CCDC144A: variants seen among roughly 807,000 people sequenced by gnomAD.
The protein encoded by CCDC144A is coiled-coil domain-containing protein 144A.
Under a neutral mutation model 143.8 loss-of-function variants are expected in CCDC144A, and 41 were observed. That is an observed-to-expected ratio of 0.29 (90% CI 0.22 to 0.37). CCDC144A has a LOEUF of 0.37. Ranked by LOEUF, CCDC144A falls within the 10% of genes least tolerant of loss-of-function variation. The pLI, the probability that CCDC144A is intolerant of heterozygous loss-of-function variation, is 1.00. For synonymous variants in CCDC144A, 242 were observed against 517.9 expected (o/e 0.47, Z 7.23); for missense variants, 637 against 1,488.8 (o/e 0.43, Z 9.41).
chr17:16,713,959 T>C (rs1597549281), intron 6 of CCDC144A, among the ~76,000 whole-genome samples: 1 of 152,180 alleles, frequency 6.6e-6, no homozygotes, highest in South Asian at 2.1e-4. Context: ...CTTCCAAGAT[T>C]GTTGTTCTCA....
chr17:16,703,575 C>T (rs545655497), intron 2 of CCDC144A, among the ~76,000 whole-genome samples: 5 of 152,274 alleles, frequency 3.3e-5, no homozygotes, highest in African/African-American at 9.6e-5. Flanking sequence ...GAGGCCAAGG[C>T]GGGCGGATTA....
chr17:16,669,593 C>G, the CCDC144A span, among the ~76,000 whole-genome samples: 1 of 152,224 alleles, frequency 6.6e-6, no homozygotes, highest in Admixed American at 6.5e-5. Context: ...ATGCTAACCA[C>G]TACCCACATG....
At chr17:16,766,939 G>A (rs2143395857) in intron 15 of CCDC144A, 1 of 152,140 alleles carries the variant, frequency 6.6e-6, no homozygotes, top group East Asian at 1.9e-4. Flanking sequence ...TAGTTTCCTT[G>A]TGGGGCATTT....
chr17:16,741,706 C>T (rs1406997819), intron 12 of CCDC144A, among the ~76,000 whole-genome samples: 1 of 152,078 alleles, frequency 6.6e-6, no homozygotes, highest in Non-Finnish European at 1.5e-5. Context: ...CCTCTGCCTC[C>T]CAAGTAGCTG....
Position 16,734,987 on chromosome 17 carries a change from C to G in CCDC144A, c.2716C>G (p.Gln906Glu). 1 of 1,608,766 alleles carries G rather than the reference C, an allele frequency of 6.2e-7. No homozygotes were observed. Among genetic ancestry groups the G allele is most frequent in the Non-Finnish European group, 8.5e-7 (1 of 1,178,268 alleles). Residue 906 changes from glutamine (Q) to glutamate (E), a missense_variant, in exon 12 of 17, where the codon CAA becomes GAA. Gln to Glu is a conservative substitution (Grantham distance 29, BLOSUM62 2). Coordinates refer to ENST00000399273, the MANE Select transcript of CCDC144A (RefSeq NM_001382000.1). Reference sequence around the variant, plus strand: ...TGAACTGGAGAATGGGAAACAGAACCAAGAAAGACTAGAAATAGAAATGGA... The same window carrying G: ...TGAACTGGAGAATGGGAAACAGAACGAAGAAAGACTAGAAATAGAAATGGA... ...NSELENGKQN[Q>E]ERLEIEMESY...
At chr17:16,703,648 C>T (rs1479722683) in intron 2 of CCDC144A, among the ~76,000 whole-genome samples, 1 of 151,712 alleles carries the variant, frequency 6.6e-6, no homozygotes, top group Non-Finnish European at 1.5e-5. Flanking sequence ...ACTAAAAATA[C>T]AAAAAATTAG....
chr17:16,697,980 C>T (rs935427435), intron 2 of CCDC144A, among the ~76,000 whole-genome samples: 2 of 152,138 alleles, frequency 1.3e-5, no homozygotes, highest in African/African-American at 2.4e-5. Flanking sequence ...GCAGTCACGA[C>T]TAACAGTTTT....
rs1912225954 is a variant in CCDC144A at position 16,709,058 on chromosome 17, C to T, written c.1001C>T (p.Pro334Leu). The T allele has an allele frequency of 6.2e-7, 1 of 1,611,518 alleles. No homozygotes were observed. Among genetic ancestry groups the T allele is most frequent in the Non-Finnish European group, 8.5e-7 (1 of 1,179,604 alleles). ...AGAGGAACAGATGTAAAGGATATTCCCTTTAATTTGACAAATAACATACCT... is the reference window on the plus strand; with the variant it reads ...AGAGGAACAGATGTAAAGGATATTCTCTTTAATTTGACAAATAACATACCT... ...STRGTDVKDIPFNLTNNIPGC... is the reference protein window; with the variant it reads ...STRGTDVKDILFNLTNNIPGC... Residue 334 changes from proline to leucine, a missense_variant, in exon 5 of 17, where the codon CCC (proline) becomes CTC (leucine). Physicochemically the swap from Pro to Leu is moderately conservative, Grantham distance 98 (BLOSUM62 -3). Coordinates refer to ENST00000399273, the MANE Select transcript of CCDC144A (RefSeq NM_001382000.1).
intron 12 of CCDC144A, chr17:16,745,863 C>A: frequency 1.9e-6 from 3 of 1,594,924 alleles, no homozygotes; most frequent in Non-Finnish European, 2.6e-6. Flanking sequence ...GTCCTGGCTC[C>A]CCTTCTTCCC....
chr17:16,686,075 C>G (rs1910767341), upstream of CCDC144A, among the ~76,000 whole-genome samples: 1 of 149,998 alleles, frequency 6.7e-6, no homozygotes, highest in African/African-American at 2.5e-5. Flanking sequence ...AGCCACCGAG[C>G]CCGGCTGTTT....
chr17:16,684,637 A>G (rs1910716483), upstream of CCDC144A, among the ~76,000 whole-genome samples: 1 of 150,996 alleles, frequency 6.6e-6, no homozygotes, highest in Non-Finnish European at 1.5e-5. Flanking sequence ...CTGAGCAACG[A>G]TATGAGACTC....
chr17:16,739,035 A>G (rs1914145596), intron 12 of CCDC144A, among the ~76,000 whole-genome samples: 1 of 141,794 alleles, frequency 7.1e-6, no homozygotes, highest in South Asian at 2.3e-4. Context: ...ACATTTCCCT[A>G]ATGATGAATG....
chr17:16,683,531 G>A, the CCDC144A span: 20 of 1,546,102 alleles, frequency 1.3e-5, 1 homozygote, highest in Non-Finnish European at 1.7e-5. Flanking sequence ...CCGTGAGGAG[G>A]GGCGGCAAGT....
chr17:16,679,557 G>A, the CCDC144A span, among the ~76,000 whole-genome samples: 134 of 147,020 alleles, frequency 9.1e-4, 1 homozygote, highest in African/African-American at 3.4e-3. Context: ...ACTTGTTCTC[G>A]GGCTGTGAGG....
intron 5 of CCDC144A, among the ~76,000 whole-genome samples, chr17:16,709,885 A>G (rs570238801): frequency 1.2e-4 from 19 of 152,338 alleles, no homozygotes; most frequent in African/African-American, 4.3e-4. Flanking sequence ...TCATTTAGCC[A>G]TATATCATGT....
upstream of CCDC144A, among the ~76,000 whole-genome samples, chr17:16,686,102 T>TG (rs1256920033): frequency 4.2e-3 from 619 of 147,138 alleles, 5 homozygotes; most frequent in African/African-American, 0.014. Context: ...TTTTTTTTTT[T>TG]TTTTTTTTTT....
chr17:16,683,597 T>G, the CCDC144A span: 29 of 1,611,014 alleles, frequency 1.8e-5, 1 homozygote, highest in Non-Finnish European at 2.5e-5. Context: ...GGTTTCCTGC[T>G]GCCAGATTTA....
intron 12 of CCDC144A, chr17:16,745,846 C>A: frequency 1.3e-6 from 2 of 1,599,768 alleles, no homozygotes; most frequent in Non-Finnish European, 1.7e-6. Flanking sequence ...TCCCCCGGAG[C>A]CCCGCTGTCC....
chr17:16,669,707 A>C, the CCDC144A span, among the ~76,000 whole-genome samples: 1,261 of 152,318 alleles, frequency 8.3e-3, 16 homozygotes, highest in African/African-American at 0.029. Context: ...GCTATTGGAC[A>C]CCATACCTCT....
Sources: allele counts gnomAD v4.1 joint callset (sites outside exome capture counted in the v4.1 genomes callset), GRCh38; gene constraint gnomAD v4.1.1; transcripts MANE v1.5; gene names NCBI Gene and HGNC (gene_info 2026-07-23, HGNC 2026-07-21).